Variants in MAGI1 observed in about 807,000 individuals in gnomAD.
MAGI1 encodes membrane associated guanylate kinase, WW and PDZ domain containing 1, also known as membrane-associated guanylate kinase, WW and PDZ domain-containing protein 1.
A neutral mutation model predicts 139.9 loss-of-function variants in MAGI1; 58 were observed. That is an observed-to-expected ratio of 0.41 (90% CI 0.34 to 0.52). The LOEUF (loss-of-function observed/expected upper bound fraction) is 0.52, where lower values mean the gene tolerates loss of function less well. Among genes scored for constraint, MAGI1 ranks in the 20% least tolerant of loss-of-function variants. The pLI is 0.12. For synonymous variants in MAGI1, 812 were observed against 737.9 expected (o/e 1.10, Z -1.63); for missense variants, 1,874 against 1,901.6 (o/e 0.99, Z 0.27).
chr3:65,594,586 G>A (rs544431771), intron 2 of MAGI1, among the ~76,000 whole-genome samples: 4 of 152,284 alleles, frequency 2.6e-5, no homozygotes, highest in African/African-American at 9.6e-5. Context: ...AAAATGCTAT[G>A]ACAGTTTTTC....
At chr3:66,036,878 G>A (rs2068951023) in intron 1 of MAGI1, among the ~76,000 whole-genome samples, 1 of 152,178 alleles carries the variant, frequency 6.6e-6, no homozygotes, top group Admixed American at 6.5e-5. Context: ...GGTCTCCATT[G>A]GGTTGACATG....
chr3:65,639,984 C>T (rs540620166), intron 1 of MAGI1, among the ~76,000 whole-genome samples: 6 of 130,518 alleles, frequency 4.6e-5, no homozygotes, highest in South Asian at 4.7e-4. Flanking sequence ...CGCAAAACTC[C>T]GTCTCAAAAA....
intron 1 of MAGI1, among the ~76,000 whole-genome samples, chr3:65,838,654 T>C (rs1436685237): frequency 6.6e-6 from 1 of 152,236 alleles, no homozygotes; most frequent in Non-Finnish European, 1.5e-5. Flanking sequence ...CACACTTTAG[T>C]TGTTGAACAT....
chr3:65,477,094 T>C (rs1950934650), intron 4 of MAGI1, among the ~76,000 whole-genome samples: 1 of 152,220 alleles, frequency 6.6e-6, no homozygotes, highest in Admixed American at 6.5e-5. Flanking sequence ...AAAAGACAAC[T>C]ACCAAGAGCC....
At chr3:65,711,591 A>G (rs1048686606) in intron 1 of MAGI1, among the ~76,000 whole-genome samples, 1 of 152,240 alleles carries the variant, frequency 6.6e-6, no homozygotes, top group Non-Finnish European at 1.5e-5. Flanking sequence ...ATGTATTTAC[A>G]TAGGCCCTTT....
chr3:65,729,679 C>A (rs1019542343), intron 1 of MAGI1, among the ~76,000 whole-genome samples: 1 of 152,128 alleles, frequency 6.6e-6, no homozygotes, highest in Non-Finnish European at 1.5e-5. Flanking sequence ...TTTGAAGCTC[C>A]CCATCGCTAA....
chr3:65,587,924 G>C (rs530855537), intron 2 of MAGI1, among the ~76,000 whole-genome samples: 2 of 152,118 alleles, frequency 1.3e-5, no homozygotes, highest in Non-Finnish European at 2.9e-5. Context: ...CAAAATGTAT[G>C]GCAAGCCTGA....
At chr3:65,360,344 GCTT>G (rs1355805401) in intron 22 of MAGI1, 16 of 973,268 alleles carry the variant, frequency 1.6e-5, no homozygotes, top group African/African-American at 1.1e-4. Context: ...CTAGGGCATA[GCTT>G]CTTCTTTTTT....
At chr3:65,392,055 G>C (rs1943963265) in intron 13 of MAGI1, among the ~76,000 whole-genome samples, 1 of 152,150 alleles carries the variant, frequency 6.6e-6, no homozygotes, top group African/African-American at 2.4e-5. Flanking sequence ...ATCAAACTTT[G>C]TATATGAGTT....
chr3:65,996,325 C>G (rs1267453741), intron 1 of MAGI1, among the ~76,000 whole-genome samples: 2 of 152,156 alleles, frequency 1.3e-5, no homozygotes, highest in African/African-American at 4.8e-5. Flanking sequence ...ACTATTATAA[C>G]TTGTCTTTTT....
At chr3:65,725,751 A>G (rs979004556) in intron 1 of MAGI1, among the ~76,000 whole-genome samples, 2 of 152,198 alleles carry the variant, frequency 1.3e-5, no homozygotes, top group Non-Finnish European at 2.9e-5. Flanking sequence ...ATTCCAGCCT[A>G]CTTAAAATGG....
intron 1 of MAGI1, among the ~76,000 whole-genome samples, chr3:65,734,206 G>A (rs2034474399): frequency 6.6e-6 from 1 of 152,118 alleles, no homozygotes; most frequent in African/African-American, 2.4e-5. Context: ...TGTAATCTCA[G>A]CACCTTGGGA....
intron 1 of MAGI1, among the ~76,000 whole-genome samples, chr3:65,777,058 G>A (rs1043829325): frequency 6.6e-6 from 1 of 152,196 alleles, no homozygotes; most frequent in Non-Finnish European, 1.5e-5. Flanking sequence ...AAGGCTGTGG[G>A]TAGATGGACT....
chr3:65,611,605 A>G (rs1393435208), intron 2 of MAGI1, among the ~76,000 whole-genome samples: 14 of 138,964 alleles, frequency 1.0e-4, no homozygotes, highest in Non-Finnish European at 2.0e-4. Flanking sequence ...TACAGTATAT[A>G]TATACTATAC....
At chr3:65,479,748 T>C (rs544031302) in intron 3 of MAGI1, among the ~76,000 whole-genome samples, 6 of 152,264 alleles carry the variant, frequency 3.9e-5, no homozygotes, top group Admixed American at 3.9e-4. Context: ...GAGTTTCCTT[T>C]TGAAAAGTTA....
At chr3:65,927,433 G>A (rs923401749) in intron 1 of MAGI1, among the ~76,000 whole-genome samples, 1 of 152,198 alleles carries the variant, frequency 6.6e-6, no homozygotes, top group African/African-American at 2.4e-5. Flanking sequence ...CTCATTGCAG[G>A]ATCCAAAGCC....
chr3:65,861,496 C>T (rs1023382793), intron 1 of MAGI1, among the ~76,000 whole-genome samples: 2 of 152,136 alleles, frequency 1.3e-5, no homozygotes, highest in African/African-American at 2.4e-5. Context: ...CTTACTAACA[C>T]CTCTTGTATA....
chr3:65,597,314 C>T (rs547724929), intron 2 of MAGI1, among the ~76,000 whole-genome samples: 92 of 139,832 alleles, frequency 6.6e-4, no homozygotes, highest in Admixed American at 1.2e-3. Context: ...AAAGCCCGGG[C>T]TGACGAGCAC....
rs576071436 is a variant in MAGI1 at position 65,454,738 on chromosome 3, T to C, written c.960-1398A>G. Among the ~76,000 whole-genome samples, 107 of 137,168 alleles carry C rather than the reference T, an allele frequency of 7.8e-4. 2 individuals are homozygous for C. The South Asian group carries it at 0.024, about 31-fold the overall frequency. The allele number at this position is 137,168 out of a possible 152,430, so 90.0% of individuals were successfully genotyped here. ...TTATTAATTGTCAAAAAAAAAAACATATGGCTTAAGAGAAAAACAGAATCT... is the reference window on the plus strand; with the variant it reads ...TTATTAATTGTCAAAAAAAAAAACACATGGCTTAAGAGAAAAACAGAATCT... On this transcript the variant is annotated intron_variant, in intron 5 of 22. Coordinates refer to ENST00000402939, the MANE Select transcript of MAGI1 (RefSeq NM_001033057.2).
Sources: gnomAD v4.1 joint callset for allele counts (sites outside exome capture counted in the v4.1 genomes callset) on GRCh38, gnomAD v4.1.1 for gene constraint, MANE v1.5 for transcripts, NCBI Gene and HGNC (gene_info 2026-07-23, HGNC 2026-07-21) for gene names.